CSNK1G3: variants seen among roughly 807,000 people sequenced by gnomAD.
CSNK1G3 encodes casein kinase 1 gamma 3.
Under a neutral mutation model 64.3 loss-of-function variants are expected in CSNK1G3, and 23 were observed. That is an observed-to-expected ratio of 0.36 (90% confidence interval 0.26 to 0.51). The LOEUF is 0.51. CSNK1G3 is among the 20% of genes least tolerant of loss of function. CSNK1G3 has a pLI of 0.96. For synonymous variants in CSNK1G3, 158 were observed against 162.2 expected, an observed-to-expected ratio of 0.97 and a Z score of 0.20; for missense variants, 357 against 510.5, an observed-to-expected ratio of 0.70 and a Z score of 2.90.
intron 1 of CSNK1G3, among the ~76,000 whole-genome samples, chr5:123,540,789 C>T (rs976577911): frequency 2.0e-5 from 3 of 152,070 alleles, no homozygotes; most frequent in Admixed American, 6.6e-5. Flanking sequence ...TGTGCCACCA[C>T]GTCTGGCTAA....
chr5:123,518,399 G>A (rs1394968102), intron 1 of CSNK1G3, among the ~76,000 whole-genome samples: 7 of 152,164 alleles, frequency 4.6e-5, no homozygotes, highest in Non-Finnish European at 1.0e-4. Context: ...TAGGGTGGGT[G>A]GCTCCAAGCT....
intron 1 of CSNK1G3, among the ~76,000 whole-genome samples, chr5:123,543,466 G>T (rs757907811): frequency 1.3e-5 from 2 of 151,944 alleles, no homozygotes; most frequent in Admixed American, 6.6e-5. Context: ...CTATTCCCTT[G>T]TACACATGTA....
chr5:123,540,688 A>G (rs753242101), intron 1 of CSNK1G3, among the ~76,000 whole-genome samples: 2 of 152,168 alleles, frequency 1.3e-5, no homozygotes, highest in Non-Finnish European at 2.9e-5. Context: ...GCTGCAGTGC[A>G]GTGACATGAT....
At chr5:123,516,833 C>G (rs1033411145) in intron 1 of CSNK1G3, among the ~76,000 whole-genome samples, 1 of 151,626 alleles carries the variant, frequency 6.6e-6, no homozygotes, top group African/African-American at 2.4e-5. Flanking sequence ...TTTTTTTTCT[C>G]TAGGTTAGTA....
At chr5:123,614,538 G>T in exon 13 of CSNK1G3, 16 of 602,058 alleles carry the variant, frequency 2.7e-5, no homozygotes, top group South Asian at 1.8e-4. Context: ...ACTTCATTTT[G>T]TGGTTGTCTT....
chr5:123,612,973 T>C (rs1421925529), intron 12 of CSNK1G3, among the ~76,000 whole-genome samples: 1 of 152,180 alleles, frequency 6.6e-6, no homozygotes. Context: ...CCAGGGATAC[T>C]CAACCATGCT....
chr5:123,576,243 C>T (rs1273085088), intron 6 of CSNK1G3, among the ~76,000 whole-genome samples: 1 of 152,078 alleles, frequency 6.6e-6, no homozygotes, highest in Non-Finnish European at 1.5e-5. Context: ...TATGGGGATG[C>T]ATTTAATCAT....
At chr5:123,603,849 C>G (rs973761594) in intron 10 of CSNK1G3, among the ~76,000 whole-genome samples, 11 of 152,058 alleles carry the variant, frequency 7.2e-5, no homozygotes, top group Non-Finnish European at 1.5e-5. Context: ...GGTAGGCAGG[C>G]ATCACATCAT....
chr5:123,608,284 G>A (rs1448439876), intron 12 of CSNK1G3, among the ~76,000 whole-genome samples: 1 of 152,048 alleles, frequency 6.6e-6, no homozygotes, highest in African/African-American at 2.4e-5. Flanking sequence ...GCATCCTCAT[G>A]TTTCCTGAGA....
intron 8 of CSNK1G3, among the ~76,000 whole-genome samples, 171 bp from the exon 9 acceptor site, chr5:123,590,239 C>T (rs1436571582): frequency 6.6e-6 from 1 of 151,958 alleles, no homozygotes; most frequent in Non-Finnish European, 1.5e-5. Context: ...TCCCTTCCTT[C>T]TTTTCCTCTT....
At chr5:123,584,557 G>A (rs1790955229) in intron 6 of CSNK1G3, among the ~76,000 whole-genome samples, 1 of 152,036 alleles carries the variant, frequency 6.6e-6, no homozygotes, top group Non-Finnish European at 1.5e-5. Flanking sequence ...GTGTTTATGA[G>A]GAATATTTCT....
At chr5:123,582,042 T>A (rs762835608) in intron 6 of CSNK1G3, among the ~76,000 whole-genome samples, 1 of 152,054 alleles carries the variant, frequency 6.6e-6, no homozygotes, top group Non-Finnish European at 1.5e-5. Flanking sequence ...TTTTTGCAAA[T>A]ATATGCATGT....
intron 4 of CSNK1G3, among the ~76,000 whole-genome samples, chr5:123,565,912 A>C (rs1406722663): frequency 6.6e-6 from 1 of 152,184 alleles, no homozygotes; most frequent in African/African-American, 2.4e-5. Flanking sequence ...AACTCCCATC[A>C]GGCCCCACCT....
intron 10 of CSNK1G3, among the ~76,000 whole-genome samples, chr5:123,600,640 A>C (rs556302464): frequency 6.6e-6 from 1 of 151,752 alleles, no homozygotes; most frequent in East Asian, 1.9e-4. Flanking sequence ...AAAAAAAAAG[A>C]AAGAAAGAAA....
chr5:123,569,798 A>C (rs1787710604), intron 4 of CSNK1G3, among the ~76,000 whole-genome samples: 1 of 77,898 alleles, frequency 1.3e-5, no homozygotes, highest in African/African-American at 8.2e-5. Flanking sequence ...AGAAAAGTTA[A>C]AAGTTCTCTT....
At chr5:123,520,397 T>C (rs1777894234) in intron 1 of CSNK1G3, among the ~76,000 whole-genome samples, 1 of 152,118 alleles carries the variant, frequency 6.6e-6, no homozygotes, top group Non-Finnish European at 1.5e-5. Context: ...TTTTTATTTT[T>C]ATACTTCATT....
chr5:123,585,450 A>G (rs1033762904), intron 6 of CSNK1G3, among the ~76,000 whole-genome samples: 1 of 152,156 alleles, frequency 6.6e-6, no homozygotes, highest in Non-Finnish European at 1.5e-5. Context: ...AGAAAATAAG[A>G]GGAAAAAACC....
chr5:123,603,745 A>G (rs1362895680), intron 10 of CSNK1G3, among the ~76,000 whole-genome samples: 2 of 152,126 alleles, frequency 1.3e-5, no homozygotes, highest in South Asian at 2.1e-4. Flanking sequence ...CTAGGCAGTG[A>G]CAATAGGTAA....
chr5:123,550,424 A>G (rs912677043), intron 2 of CSNK1G3, among the ~76,000 whole-genome samples: 1 of 152,238 alleles, frequency 6.6e-6, no homozygotes, highest in Non-Finnish European at 1.5e-5. Flanking sequence ...GACATTCAGA[A>G]CTTAAGTCAC....
Sources: allele counts gnomAD v4.1 joint callset (sites outside exome capture counted in the v4.1 genomes callset), GRCh38; gene constraint gnomAD v4.1.1; transcripts MANE v1.5; gene names NCBI Gene and HGNC (gene_info 2026-07-23, HGNC 2026-07-21).